RGS18: variants seen among roughly 807,000 people sequenced by gnomAD.
RGS18 encodes the protein regulator of G protein signaling 18.
In RGS18, 22 loss-of-function variants were observed where a neutral mutation model predicts 27.6. The ratio of observed to expected loss-of-function variants is 0.80; its 90% CI spans 0.57 to 1.14. The LOEUF (loss-of-function observed/expected upper bound fraction) is 1.14. Among genes scored for constraint, RGS18 ranks in the 50% most tolerant of loss-of-function variants. The probability of loss-of-function intolerance (pLI) is 0.00; values close to 1 mark genes in which losing one functional copy is unlikely to be tolerated. For missense variants in RGS18, 299 were observed against 269.6 expected, an observed-to-expected ratio of 1.11 and a Z score of -0.76; for synonymous variants, 89 against 84.6, an observed-to-expected ratio of 1.05 and a Z score of -0.29.
chr1:192,169,353 C>A (rs569072507), intron 3 of RGS18: 1 of 152,156 alleles, frequency 6.6e-6, no homozygotes, highest in South Asian at 2.1e-4. Flanking sequence ...TTCACTGGGT[C>A]AGTGCTACTT....
rs988087391 is a variant in RGS18, at chr1:192,184,490, G to A, written c.644G>A (p.Arg215Gln). 1.6e-5 allele frequency: 25 copies of A among 1,611,330 alleles called. No homozygotes were observed. Among genetic ancestry groups the A allele is most frequent in the Admixed American group, 8.4e-5 (5 of 59,732 alleles). Residue 215 changes from arginine to glutamine, a missense_variant, in exon 5 of 5, where the codon CGA becomes CAA. Arg to Gln is a conservative substitution (Grantham distance 43). Coordinates refer to ENST00000367460, the MANE Select transcript of RGS18 (RefSeq NM_130782.3). ...CAGAGACCAACAAATCTTAGGAGAC[G>A]ATCACGCTCATTTACCTGCAATGAA... is the stretch of plus-strand genomic sequence containing the variant. ...RPQRPTNLRRRSRSFTCNEFQ... is the reference protein window; with the variant it reads ...RPQRPTNLRRQSRSFTCNEFQ...
chr1:192,181,360 G>A lies in RGS18; in HGVS notation c.352G>A (p.Ala118Thr), dbSNP rs747141184. 2 of 1,589,750 alleles carry A rather than the reference G, an allele frequency of 1.3e-6. No homozygotes were observed. The highest frequency in any genetic ancestry group is 2.3e-5 in the East Asian group (1 of 43,966). The change falls in exon 4 of 5, where the codon GCC becomes ACC. Residue 118 changes from alanine (A) to threonine (T), a missense_variant. Ala to Thr is a moderately conservative substitution (Grantham distance 58). Coordinates refer to ENST00000367460, the MANE Select transcript of RGS18 (RefSeq NM_130782.3). Reference sequence around the variant, plus strand: ...TGAAGAAAATATTGAATTTTGGATAGCCTGTGAAGATTTCAAGAAAAGCAA... The same window carrying A: ...TGAAGAAAATATTGAATTTTGGATAACCTGTGAAGATTTCAAGAAAAGCAA... ...FSEENIEFWI[A>T]CEDFKKSKGP...
intron 3 of RGS18, among the ~76,000 whole-genome samples, chr1:192,162,516 C>T (rs1656092018): frequency 6.6e-6 from 1 of 152,094 alleles, no homozygotes; most frequent in South Asian, 2.1e-4. Flanking sequence ...CACCTGACCT[C>T]AAGTGATCCA....
chr1:192,175,148 T>C (rs1162023972), intron 3 of RGS18, among the ~76,000 whole-genome samples: 1 of 151,902 alleles, frequency 6.6e-6, no homozygotes, highest in Non-Finnish European at 1.5e-5. Flanking sequence ...CTTTTCATAG[T>C]TTAAATTTTG....
At chr1:192,159,395 G>C in intron 2 of RGS18, 74 bp downstream of exon 2, 1 of 965,186 alleles carries the variant, frequency 1.0e-6, no homozygotes, top group East Asian at 2.5e-5. Context: ...AATGCAGTTA[G>C]GGATTTCTGA....
At chr1:192,180,883 C>A (rs995207164) in intron 3 of RGS18, among the ~76,000 whole-genome samples, 8 of 151,576 alleles carry the variant, frequency 5.3e-5, no homozygotes, top group Non-Finnish European at 1.0e-4. Context: ...AGTAAGGGAA[C>A]CTCAAGATCC....
rs1044645868 is a variant in RGS18, at chr1:192,185,305, G to T, written c.*751G>T. 1 of 151,590 alleles carries T rather than the reference G, an allele frequency of 6.6e-6. No individual in the cohort carries two copies. The highest frequency in any genetic ancestry group is 6.6e-5 in the Admixed American group (1 of 15,176). 9.4% of individuals were successfully genotyped at this position (151,590 alleles called of 1,614,324 possible). ...CCAGATTTTGCATATCTCCAGGTAG[G>T]GAACTAAGTAGACTACCTTATCACC... On this transcript the variant is annotated 3_prime_UTR_variant, in exon 5 of 5. Coordinates refer to ENST00000367460, the MANE Select transcript of RGS18 (RefSeq NM_130782.3).
chr1:192,158,810 T>C, intron 1 of RGS18, 54 bp downstream of exon 1: 1 of 1,215,722 alleles, frequency 8.2e-7, no homozygotes, highest in African/African-American at 1.6e-5. Flanking sequence ...ATAATTGAGG[T>C]TGAAGATTCA....
chr1:192,172,140 C>A (rs1010579147), intron 3 of RGS18, among the ~76,000 whole-genome samples: 2 of 152,026 alleles, frequency 1.3e-5, no homozygotes, highest in African/African-American at 4.8e-5. Context: ...TAGTTTGTTT[C>A]TCCCCTCACC....
chr1:192,174,999 A>G (rs1311952113), intron 3 of RGS18, among the ~76,000 whole-genome samples: 1 of 151,606 alleles, frequency 6.6e-6, no homozygotes, highest in Non-Finnish European at 1.5e-5. Flanking sequence ...CCTTATTTAG[A>G]TTAAGTAAAT....
rs939000805 is a variant in RGS18, at chr1:192,184,434, C to T, written c.588C>T (p.Asp196=). The T allele has an allele frequency of 1.2e-5, 20 of 1,611,710 alleles. No individual in the cohort carries two copies. Among genetic ancestry groups the T allele is most frequent in the South Asian group, 2.2e-5 (2 of 91,038 alleles). Residue 196 remains aspartate, a synonymous_variant, in exon 5 of 5, where the codon GAC becomes GAT. Coordinates refer to ENST00000367460, the MANE Select transcript of RGS18 (RefSeq NM_130782.3). ...GTTATACACGTTTTCTGAAATCTGA[C>T]ATCTATTTAGACTTGATGGAAGGAA... ...QDSYTRFLKS[D]IYLDLMEGRP... is the part of the protein sequence containing the mutation.
intron 3 of RGS18, among the ~76,000 whole-genome samples, chr1:192,179,868 C>T (rs1451024545): frequency 6.6e-6 from 1 of 151,450 alleles, no homozygotes; most frequent in African/African-American, 2.4e-5. Context: ...TTGTAACTTT[C>T]TGTATCTTGA....
chr1:192,166,606 G>A (rs1258869477), intron 3 of RGS18, among the ~76,000 whole-genome samples: 1 of 152,058 alleles, frequency 6.6e-6, no homozygotes, highest in African/African-American at 2.4e-5. Flanking sequence ...GATAAACTTA[G>A]TGACTTAATC....
intron 3 of RGS18, chr1:192,161,537 A>C (rs1384037517): frequency 6.6e-6 from 1 of 152,210 alleles, no homozygotes; most frequent in Non-Finnish European, 1.5e-5. Flanking sequence ...GAGTCTGCAA[A>C]AAAAGCAATG....
At chr1:192,159,136 C>T (rs1258057393) in intron 1 of RGS18, 84 bp from the exon 2 acceptor site, 3 of 906,772 alleles carry the variant, frequency 3.3e-6, no homozygotes, top group Admixed American at 2.2e-5. Context: ...GGGTTTTTAC[C>T]AACTACAAAA....
intron 3 of RGS18, among the ~76,000 whole-genome samples, chr1:192,167,369 G>T (rs537105213): frequency 1.3e-5 from 2 of 151,670 alleles, no homozygotes; most frequent in African/African-American, 4.8e-5. Context: ...GAATTTCAGC[G>T]CTCTAAAAAT....
chr1:192,184,780 A>T lies in RGS18; in HGVS notation c.*226A>T. 4.6e-6 allele frequency: 2 copies of T among 433,796 alleles called. No homozygotes were observed. The highest frequency in any genetic ancestry group is 8.2e-6 in the Non-Finnish European group (2 of 244,896). The allele number at this position is 433,796 out of a possible 1,614,324, so 26.9% of individuals were successfully genotyped here. On this transcript the variant is annotated 3_prime_UTR_variant, in exon 5 of 5. Coordinates refer to ENST00000367460, the MANE Select transcript of RGS18 (RefSeq NM_130782.3). Reference sequence around the variant, plus strand: ...GTCATTCCATTTATAATCAGAAAAAAAACTTATTTCTTAATCAAAAGGCAG... The same window carrying T: ...GTCATTCCATTTATAATCAGAAAAATAACTTATTTCTTAATCAAAAGGCAG...
At chr1:192,171,431 A>G (rs1235289789) in intron 3 of RGS18, among the ~76,000 whole-genome samples, 4 of 152,086 alleles carry the variant, frequency 2.6e-5, no homozygotes, top group Non-Finnish European at 5.9e-5. Flanking sequence ...TGTCAGTTTT[A>G]CAATGCCTTG....
At chr1:192,183,226 C>A (rs1449806949) in intron 4 of RGS18, among the ~76,000 whole-genome samples, 1 of 151,584 alleles carries the variant, frequency 6.6e-6, no homozygotes, top group African/African-American at 2.4e-5. Context: ...TACCTGAAAA[C>A]CCAACCACCA....
Sources: allele counts gnomAD v4.1 joint callset (sites outside exome capture counted in the v4.1 genomes callset), GRCh38; gene constraint gnomAD v4.1.1; transcripts MANE v1.5; gene names NCBI Gene and HGNC (gene_info 2026-07-23, HGNC 2026-07-21).